The following CNTLN variants were observed in gnomAD, a reference collection of about 807,000 sequenced individuals.
CNTLN encodes the protein centlein, centrosomal protein.
A neutral mutation model predicts 180.0 loss-of-function variants in CNTLN; 212 were observed. The observed-to-expected ratio is 1.18, with a 90% CI of 1.05 to 1.32. CNTLN has a LOEUF of 1.32. Ranked by LOEUF, CNTLN falls within the 40% of genes most tolerant of loss-of-function variation. The pLI, the probability that CNTLN is intolerant of heterozygous loss-of-function variation, is 0.00. For missense variants in CNTLN, 2,095 were observed against 1,610.9 expected (o/e 1.30, Z -5.14); for synonymous variants, 722 against 563.1 (o/e 1.28, Z -3.99).
intron 8 of CNTLN, among the ~76,000 whole-genome samples, chr9:17,321,394 G>A (rs1480348657): frequency 1.3e-5 from 2 of 152,118 alleles, no homozygotes; most frequent in African/African-American, 2.4e-5. Flanking sequence ...TGAGCTCCTT[G>A]AGGGCAAGGA....
At chr9:17,301,952 A>G (rs1818387406) in intron 7 of CNTLN, 1 of 936,500 alleles carries the variant, frequency 1.1e-6, no homozygotes, top group Non-Finnish European at 1.3e-6. Context: ...ACTATTTTAG[A>G]TGGTCATATA....
At chr9:17,511,648 T>TCACACACACACA in the CNTLN span, among the ~76,000 whole-genome samples, 2 of 146,582 alleles carry the variant, frequency 1.4e-5, no homozygotes, top group African/African-American at 5.1e-5. Context: ...TCTCTCTCTC[T>TCACACACACACA]CACACACACA....
At chr9:17,261,284 A>T (rs2132370199) in intron 5 of CNTLN, among the ~76,000 whole-genome samples, 1 of 151,566 alleles carries the variant, frequency 6.6e-6, no homozygotes, top group South Asian at 2.1e-4. Context: ...TCTTAATGAT[A>T]TTGATTCTTC....
intron 8 of CNTLN, among the ~76,000 whole-genome samples, chr9:17,315,338 G>T (rs933221553): frequency 2.0e-5 from 3 of 151,984 alleles, no homozygotes; most frequent in Admixed American, 6.6e-5. Flanking sequence ...TATTGAGAAG[G>T]CATGTCTCTT....
intron 8 of CNTLN, among the ~76,000 whole-genome samples, chr9:17,318,477 G>C (rs1387208262): frequency 6.6e-6 from 1 of 152,142 alleles, no homozygotes; most frequent in Non-Finnish European, 1.5e-5. Context: ...GTTATAAAAA[G>C]GAGTTAGAGC....
chr9:17,333,950 A>T (rs1335497888), intron 10 of CNTLN, among the ~76,000 whole-genome samples: 1 of 152,170 alleles, frequency 6.6e-6, no homozygotes, highest in African/African-American at 2.4e-5. Flanking sequence ...TCTCTAGTTA[A>T]GAAGGTAAGT....
chr9:17,460,142 C>T (rs1268575702), intron 19 of CNTLN, among the ~76,000 whole-genome samples: 3 of 151,542 alleles, frequency 2.0e-5, no homozygotes, highest in Non-Finnish European at 4.4e-5. Flanking sequence ...TCTGATGTCT[C>T]TGGTTCATTT....
chr9:17,371,017 G>C (rs1222177213), intron 13 of CNTLN, among the ~76,000 whole-genome samples: 1 of 151,870 alleles, frequency 6.6e-6, no homozygotes, highest in Non-Finnish European at 1.5e-5. Context: ...AAAGGTAAGA[G>C]AAAATTACCT....
intron 13 of CNTLN, among the ~76,000 whole-genome samples, chr9:17,387,599 C>T (rs1324252425): frequency 6.6e-6 from 1 of 151,948 alleles, no homozygotes; most frequent in East Asian, 1.9e-4. Flanking sequence ...ACCCATATAC[C>T]TAGCTTTCTA....
At chr9:17,392,993 G>T (rs966607385) in intron 14 of CNTLN, among the ~76,000 whole-genome samples, 1 of 152,110 alleles carries the variant, frequency 6.6e-6, no homozygotes, top group Admixed American at 6.6e-5. Flanking sequence ...AGTCTCTTCA[G>T]TTGGCTATAG....
chr9:17,236,108 G>A (rs1825125342), intron 4 of CNTLN, among the ~76,000 whole-genome samples: 1 of 152,160 alleles, frequency 6.6e-6, no homozygotes, highest in African/African-American at 2.4e-5. Flanking sequence ...GGTCTGGGAG[G>A]ATATGTCTGT....
chr9:17,394,882 G>A lies in CNTLN; in HGVS notation c.2428G>A (p.Ala810Thr). ...AGCAGACAGAGCTAAATCCGAGATG[G>A]CCACCATGAAAGTGAGATCTGGACG... The part of the protein sequence containing the change: ...QSADRAKSEM[A>T]TMKVRSGRYD... The change falls in exon 15 of 26, where the codon GCC (alanine) becomes ACC (threonine). Residue 810 changes from alanine to threonine, a missense_variant. By Grantham distance (58) the Ala-to-Thr change is moderately conservative. Coordinates refer to ENST00000380647, the MANE Select transcript of CNTLN (RefSeq NM_017738.4). The A allele has an allele frequency of 1.9e-6, 3 of 1,613,982 alleles. 1 individual carries two copies. Among genetic ancestry groups the A allele is most frequent in the South Asian group, 2.2e-5 (2 of 91,068 alleles).
At chr9:17,319,957 TC>T (rs1819793575) in intron 8 of CNTLN, among the ~76,000 whole-genome samples, 1 of 152,206 alleles carries the variant, frequency 6.6e-6, no homozygotes, top group Non-Finnish European at 1.5e-5. Flanking sequence ...ACCCTGCTCT[TC>T]ACTAGCTGAA....
intron 13 of CNTLN, among the ~76,000 whole-genome samples, chr9:17,376,274 A>G (rs1339751062): frequency 6.6e-6 from 1 of 152,108 alleles, no homozygotes. Context: ...TCCTTGGTTT[A>G]CTTTTCAAAA....
intron 2 of CNTLN, among the ~76,000 whole-genome samples, chr9:17,151,621 CT>C (rs1243387875): frequency 1.3e-5 from 2 of 152,064 alleles, no homozygotes; most frequent in African/African-American, 4.8e-5. Context: ...CTGAAATTTT[CT>C]TTTTTTGTTG....
chr9:17,184,194 C>T (rs1030921270), intron 2 of CNTLN, among the ~76,000 whole-genome samples: 3 of 151,978 alleles, frequency 2.0e-5, no homozygotes, highest in African/African-American at 4.8e-5. Context: ...TACCGACAAA[C>T]GGACTTATTC....
chr9:17,225,939 C>T (rs1042236971), intron 2 of CNTLN, among the ~76,000 whole-genome samples: 5 of 151,906 alleles, frequency 3.3e-5, no homozygotes, highest in Admixed American at 6.6e-5. Context: ...ATTTTCAAAG[C>T]GATGACAGTA....
At chr9:17,419,722 G>C (rs1828556406) in intron 18 of CNTLN, among the ~76,000 whole-genome samples, 2 of 152,072 alleles carry the variant, frequency 1.3e-5, no homozygotes, top group South Asian at 4.2e-4. Flanking sequence ...TTCTTCCACT[G>C]TATATTTTAA....
Position 17,332,682 on chromosome 9 carries a change from A to T in CNTLN, c.1596A>T (p.Arg532Ser). The T allele has an allele frequency of 1.9e-6, 3 of 1,607,820 alleles. No individual in the cohort carries two copies. Among genetic ancestry groups the T allele is most frequent in the Non-Finnish European group, 2.5e-6 (3 of 1,177,628 alleles). ...FTDSEELQKL[R>S]KAERKIENLE... is the part of the protein sequence containing the mutation. ...ACTCAGAAGAGCTACAGAAGCTGAG[A>T]AAAGCTGAAAGAAAGATTGAAAACT... The change falls in exon 10 of 26, where the codon AGA becomes AGT. Residue 532 changes from arginine to serine, a missense_variant. Coordinates refer to ENST00000380647, the MANE Select transcript of CNTLN (RefSeq NM_017738.4).
Sources: allele counts gnomAD v4.1 joint callset (sites outside exome capture counted in the v4.1 genomes callset), GRCh38; gene constraint gnomAD v4.1.1; transcripts MANE v1.5; gene names NCBI Gene and HGNC (gene_info 2026-07-23, HGNC 2026-07-21).